Variants in ZNF142 observed in about 807,000 individuals in gnomAD.
The protein encoded by ZNF142 is zinc finger protein 142 (clone pHZ-49).
ZNF142 carries 96 observed loss-of-function variants against 132.1 expected under a neutral mutation model. The observed-to-expected ratio is 0.73, with a 90% CI of 0.62 to 0.86. The LOEUF is 0.86. Ranked by LOEUF, ZNF142 falls within the 40% of genes least tolerant of loss-of-function variation. The pLI is 0.00. For synonymous variants in ZNF142, 842 were observed against 890.1 expected (o/e 0.95, Z 0.96); for missense variants, 2,163 against 2,336.2 (o/e 0.93, Z 1.53).
In ZNF142 at chr2:218,636,568, T is replaced by C; in HGVS notation, c.*1771A>G. ...GCATCCAGGAAGGCCTGGAGGGGGA[T>C]GAGTCCTGAGGTGGGCATTTCACGG... is the stretch of plus-strand genomic sequence containing the variant. On this transcript the variant is annotated 3_prime_UTR_variant, in exon 11 of 11. Coordinates refer to ENST00000411696, the MANE Select transcript of ZNF142 (RefSeq NM_001379659.1). The C allele has an allele frequency of 6.2e-7, 1 of 1,613,962 alleles. No homozygotes were observed. Among genetic ancestry groups the C allele is most frequent in the Non-Finnish European group, 8.5e-7 (1 of 1,179,858 alleles).
At position 218,644,951 on chromosome 2, in the gene ZNF142, T is replaced by C. The variant is rs1697602980; in HGVS notation, c.2165A>G (p.Lys722Arg). Residue 722 changes from lysine (K) to arginine (R), a missense_variant, in exon 9 of 11, where the codon AAG becomes AGG. By Grantham distance (26) the Lys-to-Arg change is conservative. Coordinates refer to ENST00000411696, the MANE Select transcript of ZNF142 (RefSeq NM_001379659.1). The surrounding 1 kb of genome is among the most constrained non-coding windows in gnomAD (Gnocchi z 4.6). ...GTGCTTCTGCAGCTCATACTTCCGC[T>C]TGCAGGCGAAGGCACACACCTCACA... Reference protein sequence around the residue: ...LMCEVCAFACKRKYELQKHMA... With the variant: ...LMCEVCAFACRRKYELQKHMA... 6.2e-7 allele frequency: 1 copy of C among 1,614,116 alleles called. No individual in the cohort carries two copies. Among genetic ancestry groups the C allele is most frequent in the Non-Finnish European group, 8.5e-7 (1 of 1,180,018 alleles).
Position 218,637,390 on chromosome 2 carries a change from G to A in ZNF142, c.*949C>T, listed in dbSNP as rs1338419297. Reference sequence around the variant, plus strand: ...TATGTGGTCCCAGCCTTCCTGAAGAGTCTGGCTGGAACCATCCTGGTTTAT... The same window carrying A: ...TATGTGGTCCCAGCCTTCCTGAAGAATCTGGCTGGAACCATCCTGGTTTAT... On this transcript the variant is annotated 3_prime_UTR_variant, in exon 11 of 11. Coordinates refer to ENST00000411696, the MANE Select transcript of ZNF142 (RefSeq NM_001379659.1). 6.6e-6 allele frequency among the ~76,000 whole-genome samples: 1 copy of A among 152,194 alleles called. No individual in the cohort carries two copies. Among genetic ancestry groups the A allele is most frequent in the African/African-American group, 2.4e-5 (1 of 41,444 alleles).
chr2:218,641,747 G>A (rs905171188), intron 9 of ZNF142, among the ~76,000 whole-genome samples: 1 of 151,978 alleles, frequency 6.6e-6, no homozygotes, highest in Non-Finnish European at 1.5e-5. Context: ...CTCTGCTGCC[G>A]AGTGGTCTTC....
In ZNF142 at chr2:218,659,371, C is replaced by G. The variant is rs1939035906; in HGVS notation, c.-364G>C. 6.6e-6 allele frequency: 1 copy of G among 152,304 alleles called. No homozygotes were observed. The highest frequency in any genetic ancestry group is 1.5e-5 in the Non-Finnish European group (1 of 68,124). 9.4% of individuals were successfully genotyped at this position (152,304 alleles called of 1,614,324 possible). A position where few individuals can be genotyped will look rare whatever the true frequency, so the allele number is the denominator to read the frequency against. ...CCGCCCCGCAGCCGCTCACTCACCT[C>G]CAGACCCAGAGCCGGCGGGAGCCGC... On this transcript the variant is annotated splice_region_variant and 5_prime_UTR_variant, in exon 1 of 11. Coordinates refer to ENST00000411696, the MANE Select transcript of ZNF142 (RefSeq NM_001379659.1). The surrounding 1 kb of genome is among the most constrained non-coding windows in gnomAD (Gnocchi z 4.4).
intron 10 of ZNF142, among the ~76,000 whole-genome samples, chr2:218,640,453 T>C (rs1261345207): frequency 2.0e-5 from 3 of 152,172 alleles, no homozygotes; most frequent in Admixed American, 6.5e-5. Context: ...GGAAAGTACA[T>C]ATGCCCAGGC....
chr2:218,656,240 T>G lies in ZNF142; in HGVS notation c.190A>C (p.Thr64Pro), dbSNP rs1938478161. 1 of 1,613,468 alleles carries G rather than the reference T, an allele frequency of 6.2e-7. No homozygotes were observed. Among genetic ancestry groups the G allele is most frequent in the Non-Finnish European group, 8.5e-7 (1 of 1,179,724 alleles). ...TTCCCTGGTCCCTCTTCAGTTGCTG[T>G]GGCCTCTACCAGCAGGCAGCCTGGC... is the stretch of plus-strand genomic sequence containing the variant. ...TEPGCLLVEA[T>P]ATEEGPGNME... Residue 64 changes from threonine to proline, a missense_variant, in exon 4 of 11, where the codon ACA (threonine) becomes CCA (proline). Physicochemically the swap from Thr to Pro is conservative, Grantham distance 38. Around this residue, in one of 7 missense-constraint regions of ZNF142, gnomAD observed 195 missense variants for 172.4 expected, o/e 1.13. Coordinates refer to ENST00000411696, the MANE Select transcript of ZNF142 (RefSeq NM_001379659.1).
At chr2:218,641,558 T>C (rs80016991) in intron 9 of ZNF142, among the ~76,000 whole-genome samples, 1 of 150,972 alleles carries the variant, frequency 6.6e-6, no homozygotes, top group Non-Finnish European at 1.5e-5. Flanking sequence ...TTTTTTTTTT[T>C]AAATGGAGTC....
At position 218,656,149 on chromosome 2, in the gene ZNF142, C is replaced by A; in HGVS notation, c.280+1G>T. ...TGGCCTGCTTGCAACTGTGTTTGTA[C>A]CTGGGGTCTCTCCAGGAGCACCTGG... On this transcript the variant is annotated splice_donor_variant, in intron 4 of 10. Coordinates refer to ENST00000411696, the MANE Select transcript of ZNF142 (RefSeq NM_001379659.1). LOFTEE classifies it high-confidence loss of function. 6.4e-7 allele frequency: 1 copy of A among 1,564,272 alleles called. No homozygotes were observed.
rs3731871 is a variant in ZNF142, at chr2:218,640,358, G to A, written c.5194+306C>T. ...GTCTGTGTAAGAGCCAAGCAAATCTGCCCTTAGTCATACAAGTTTGAGTTG... is the reference window on the plus strand; with the variant it reads ...GTCTGTGTAAGAGCCAAGCAAATCTACCCTTAGTCATACAAGTTTGAGTTG... On this transcript the variant is annotated intron_variant, in intron 10 of 10. Coordinates refer to ENST00000411696, the MANE Select transcript of ZNF142 (RefSeq NM_001379659.1). 2.6e-5 allele frequency among the ~76,000 whole-genome samples: 4 copies of A among 152,278 alleles called. No homozygotes were observed. The East Asian group carries it at 7.7e-4, about 29-fold the overall frequency.
intron 9 of ZNF142, among the ~76,000 whole-genome samples, 161 bp from the exon 10 acceptor site, chr2:218,640,930 ATTT>A (rs34502703): frequency 4.4e-5 from 6 of 135,138 alleles, no homozygotes; most frequent in Non-Finnish European, 4.9e-5. Context: ...CTTGCTAGGG[ATTT>A]TTTTTTTTTT....
In ZNF142 at chr2:218,648,669, C is replaced by G. The variant is rs1458389605; in HGVS notation, c.1839G>C (p.Lys613Asn). 6.2e-7 allele frequency: 1 copy of G among 1,614,234 alleles called. No homozygotes were observed. The highest frequency in any genetic ancestry group is 1.7e-5 in the Admixed American group (1 of 60,028). ...CPECNFATAHKRVLIRHMLLH... is the reference protein window; with the variant it reads ...CPECNFATAHNRVLIRHMLLH... ...GAAGCATGTGTCGGATGAGCACCCT[C>G]TTGTGGGCAGTGGCAAAGTTGCACT... Residue 613 changes from lysine (K) to asparagine (N), a missense_variant, in exon 7 of 11, where the codon AAG becomes AAC. Physicochemically the swap from Lys to Asn is moderately conservative, Grantham distance 94 (BLOSUM62 0). Coordinates refer to ENST00000411696, the MANE Select transcript of ZNF142 (RefSeq NM_001379659.1).
chr2:218,652,957 G>C (rs1376679450), intron 4 of ZNF142, among the ~76,000 whole-genome samples: 4 of 133,720 alleles, frequency 3.0e-5, no homozygotes, highest in Non-Finnish European at 6.2e-5. Flanking sequence ...TGGTCTGTTT[G>C]CTCTTTATTG....
chr2:218,636,011 G>C lies in ZNF142; in HGVS notation c.*2328C>G. 1 of 1,595,360 alleles carries C rather than the reference G, an allele frequency of 6.3e-7. No homozygotes were observed. The highest frequency in any genetic ancestry group is 8.6e-7 in the Non-Finnish European group (1 of 1,167,260). ...TCTAGTCTGTCTTCCATTAAGTATA[G>C]CATCTGTTATTGCATGTCCCCACAT... On this transcript the variant is annotated 3_prime_UTR_variant, in exon 11 of 11. Coordinates refer to ENST00000411696, the MANE Select transcript of ZNF142 (RefSeq NM_001379659.1).
Position 218,656,474 on chromosome 2 carries a change from A to C in ZNF142, c.-34-11T>G. The C allele has an allele frequency of 7.0e-7, 1 of 1,424,004 alleles. No individual in the cohort carries two copies. The highest frequency in any genetic ancestry group is 2.5e-5 in the East Asian group (1 of 40,696). 88.2% of individuals were successfully genotyped at this position (1,424,004 alleles called of 1,614,324 possible). A position where few individuals can be genotyped will look rare whatever the true frequency, so the allele number is the denominator to read the frequency against. On this transcript the variant is annotated splice_polypyrimidine_tract_variant and intron_variant, in intron 3 of 10. Coordinates refer to ENST00000411696, the MANE Select transcript of ZNF142 (RefSeq NM_001379659.1). ...TTGGCTTCTTAAATGCTGACAAGCC[A>C]ACCAGAAGAAAAACAAAGTAAGGTT...
At chr2:218,645,170 C>CAT in intron 8 of ZNF142, 106 bp from the exon 9 acceptor site, 1 of 1,386,280 alleles carries the variant, frequency 7.2e-7, no homozygotes, top group African/African-American at 1.4e-5. Context: ...CAGTATCATA[C>CAT]ATGTGTCACC....
In ZNF142 at chr2:218,644,199, C is replaced by T. The variant is rs779259952; in HGVS notation, c.2917G>A (p.Glu973Lys). 6.2e-7 allele frequency: 1 copy of T among 1,614,132 alleles called. No homozygotes were observed. The highest frequency in any genetic ancestry group is 1.1e-5 in the South Asian group (1 of 91,078). The change falls in exon 9 of 11, where the codon GAG becomes AAG. Residue 973 changes from glutamate (E) to lysine (K), a missense_variant. Physicochemically the swap from Glu to Lys is moderately conservative, Grantham distance 56. This residue lies in a region of ZNF142 where 809 missense variants were observed against 801.7 expected (regional missense o/e 1.01). Transcript: ENST00000411696. The surrounding 1 kb of genome is among the most constrained non-coding windows in gnomAD (Gnocchi z 4.6). ...CCTACCCAGTTGTTAGGAGCCTCCT[C>T]TAAGGATGGAGGATTTGTGGAGGGC... Reference protein sequence around the residue: ...SEPSTNPPSLEEAPNNWVGTF... With the variant: ...SEPSTNPPSLKEAPNNWVGTF...
At position 218,638,944 on chromosome 2, in the gene ZNF142, T is replaced by G. The variant is rs1696947715; in HGVS notation, c.5195-136A>C. ...TGACCATCTCTTTGGAATGCTCCAG[T>G]CCTCCAGTCCTGTCTGACATTTCTT... is the stretch of plus-strand genomic sequence containing the variant. On this transcript the variant is annotated intron_variant, in intron 10 of 10. Transcript: ENST00000411696. 3 of 671,496 alleles carry G rather than the reference T, an allele frequency of 4.5e-6. No individual in the cohort carries two copies. In the South Asian group the frequency reaches 6.1e-5, roughly 14 times the overall value. 41.6% of individuals were successfully genotyped at this position (671,496 alleles called of 1,614,324 possible).
At position 218,646,243 on chromosome 2, in the gene ZNF142, G is replaced by A; in HGVS notation, c.1979C>T (p.Thr660Ile). Residue 660 changes from threonine (T) to isoleucine (I), a missense_variant, in exon 8 of 11, where the codon ACT becomes ATT. This residue lies in a region of ZNF142 where 749 missense variants were observed against 830.3 expected (regional missense o/e 0.90). Transcript: ENST00000411696. ...THSNTKDYMC[T>I]ECGYVTKWKH... ...CCACTTGGTGACATAGCCACATTCAGTGCACATGTAATCCTTGGTGTTGGA... is the reference window on the plus strand; with the variant it reads ...CCACTTGGTGACATAGCCACATTCAATGCACATGTAATCCTTGGTGTTGGA... 6.2e-7 allele frequency: 1 copy of A among 1,614,210 alleles called. No homozygotes were observed. The highest frequency in any genetic ancestry group is 8.5e-7 in the Non-Finnish European group (1 of 1,180,046).
intron 7 of ZNF142, among the ~76,000 whole-genome samples, chr2:218,647,833 C>G (rs1697874225): frequency 6.6e-6 from 1 of 152,168 alleles, no homozygotes; most frequent in African/African-American, 2.4e-5. Flanking sequence ...TCTGTGTGAT[C>G]TTAAAGTAGG....
Sources: allele counts gnomAD v4.1 joint callset (sites outside exome capture counted in the v4.1 genomes callset), GRCh38; gene constraint gnomAD v4.1.1; regional missense constraint gnomAD v4.1.1; non-coding constraint Gnocchi (gnomAD v3.1); transcripts MANE v1.5; gene names NCBI Gene and HGNC (gene_info 2026-07-23, HGNC 2026-07-21).